The following RGSL1 variants were observed in gnomAD, a reference collection of about 807,000 sequenced individuals.
RGSL1 encodes the protein regulator of G protein signaling protein-like.
In RGSL1, 97 loss-of-function variants were observed where a neutral mutation model predicts 124.7. The ratio of observed to expected loss-of-function variants is 0.78; its 90% CI spans 0.66 to 0.92. The LOEUF is 0.92. RGSL1 is among the 40% of genes least tolerant of loss of function. The pLI, the probability that RGSL1 is intolerant of heterozygous loss-of-function variation, is 0.00. For missense variants in RGSL1, 1,233 were observed against 1,288.4 expected, an observed-to-expected ratio of 0.96 and a Z score of 0.66; for synonymous variants, 424 against 438.1, an observed-to-expected ratio of 0.97 and a Z score of 0.40.
At chr1:182,527,926 A>G (rs1240767665) in intron 11 of RGSL1, among the ~76,000 whole-genome samples, 154 bp downstream of exon 11, 1 of 152,180 alleles carries the variant, frequency 6.6e-6, no homozygotes, top group East Asian at 1.9e-4. Context: ...AGGGTAGGCA[A>G]AAGCAGAGAA....
At chr1:182,504,580 G>A (rs919204944) in intron 9 of RGSL1, among the ~76,000 whole-genome samples, 3 of 143,908 alleles carry the variant, frequency 2.1e-5, no homozygotes, top group African/African-American at 7.8e-5. Flanking sequence ...ATTCTCCCAA[G>A]GAAATTAGAA....
At chr1:182,449,367 C>A (rs192779421), upstream of RGSL1, 4 of 152,100 alleles carry the variant, frequency 2.6e-5, no homozygotes, top group Non-Finnish European at 5.9e-5. Flanking sequence ...TTCCCTCCAC[C>A]CCCCATAGGA....
At chr1:182,517,410 CTCTT>C (rs1347237973) in intron 9 of RGSL1, among the ~76,000 whole-genome samples, 3 of 149,136 alleles carry the variant, frequency 2.0e-5, no homozygotes, top group Non-Finnish European at 4.4e-5. Context: ...GGATACTTAT[CTCTT>C]TCTCAAGTTT....
chr1:182,503,822 T>C (rs1013549121), intron 9 of RGSL1, among the ~76,000 whole-genome samples: 3 of 152,184 alleles, frequency 2.0e-5, no homozygotes, highest in Non-Finnish European at 2.9e-5. Flanking sequence ...TTTCATGATG[T>C]AATAATTATG....
At chr1:182,509,297 C>A (rs1219366040) in intron 9 of RGSL1, among the ~76,000 whole-genome samples, 2 of 40,716 alleles carry the variant, frequency 4.9e-5, no homozygotes, top group African/African-American at 1.4e-4. Context: ...CCGGACGGGG[C>A]GGCTGGCCGG....
intron 4 of RGSL1, chr1:182,460,774 C>T (rs920218351): frequency 2.2e-6 from 1 of 452,888 alleles, no homozygotes; most frequent in African/African-American, 2.0e-5. Flanking sequence ...TTTTGAAACT[C>T]TAGAGTCTAT....
intron 15 of RGSL1, among the ~76,000 whole-genome samples, chr1:182,544,463 T>C (rs1660084449): frequency 6.6e-6 from 1 of 152,138 alleles, no homozygotes; most frequent in South Asian, 2.1e-4. Flanking sequence ...TTGTATATTC[T>C]GTAGCAGTTG....
chr1:182,453,676 C>T (rs1445357303), intron 1 of RGSL1: 1 of 297,780 alleles, frequency 3.4e-6, no homozygotes, highest in Admixed American at 4.6e-5. Context: ...TAAAGGAAGA[C>T]AGTCACAGTA....
At chr1:182,508,164 C>T (rs952564211) in intron 9 of RGSL1, among the ~76,000 whole-genome samples, 6 of 151,968 alleles carry the variant, frequency 3.9e-5, no homozygotes, top group Non-Finnish European at 8.8e-5. Context: ...CAGGTATTTT[C>T]CTTTTTACAC....
intron 1 of RGSL1, among the ~76,000 whole-genome samples, chr1:182,450,864 T>G (rs1213050058): frequency 1.3e-5 from 2 of 152,210 alleles, no homozygotes; most frequent in African/African-American, 4.8e-5. Context: ...TGAAAATCAT[T>G]GGCTGGGAGC....
At chr1:182,547,157 C>T (rs1394261554) in intron 15 of RGSL1, among the ~76,000 whole-genome samples, 1 of 152,184 alleles carries the variant, frequency 6.6e-6, no homozygotes, top group Admixed American at 6.5e-5. Flanking sequence ...CTATGACGTG[C>T]TCTCTATTTC....
rs560766193 is a variant in RGSL1 at position 182,523,208 on chromosome 1, C to CTT, written c.1931+1111_1931+1112dup. The stretch of plus-strand genomic sequence containing the variant: ...CATGCCACCATGCCTGTTTTTTTTT[C>CTT]TTTTTTTTTTTTTCTAGAGACTGGG... On this transcript the variant is annotated intron_variant, in intron 10 of 21. Transcript: ENST00000294854. Among the ~76,000 whole-genome samples the CTT allele has an allele frequency of 2.0e-4, 30 of 147,208 alleles. No homozygotes were observed. In the South Asian group the frequency reaches 5.6e-3, roughly 27 times the overall value.
intron 9 of RGSL1, among the ~76,000 whole-genome samples, chr1:182,513,656 G>A (rs1363262139): frequency 1.3e-5 from 2 of 152,138 alleles, no homozygotes; most frequent in Admixed American, 1.3e-4. Context: ...TCTTTCTTGT[G>A]TCTCCCTATC....
chr1:182,538,177 G>A (rs965310126), intron 14 of RGSL1, among the ~76,000 whole-genome samples: 2 of 152,104 alleles, frequency 1.3e-5, no homozygotes, highest in African/African-American at 2.4e-5. Context: ...GTTTCGGAAG[G>A]GAGGATAAAT....
chr1:182,506,983 C>CTTTTTTTTTTTTTTTTTTTTTTTTTTT (rs71127304), intron 9 of RGSL1, among the ~76,000 whole-genome samples: 1 of 99,406 alleles, frequency 1.0e-5, no homozygotes, highest in African/African-American at 3.9e-5. Flanking sequence ...GCTCACCTTT[C>CTTTTTTTTTTTTTTTTTTTTTTTTTTT]TTTTTTTTTT....
Position 182,536,061 on chromosome 1 carries a change from C to T in RGSL1, c.2494+3270C>T, listed in dbSNP as rs187963583. On this transcript the variant is annotated intron_variant, in intron 14 of 21. Transcript: ENST00000294854. ...AGTCTTAATGCATGCATGCAATAGT[C>T]TTTTGTGACCAGCTTCTTTTACATA... Among the ~76,000 whole-genome samples the T allele has an allele frequency of 2.5e-3, 376 of 152,234 alleles. 1 individual carries two copies. Among genetic ancestry groups the T allele is most frequent in the Admixed American group, 5.8e-3 (88 of 15,278 alleles).
At position 182,473,844 on chromosome 1, in the gene RGSL1, C is replaced by T. The variant is rs202198386; in HGVS notation, c.733C>T (p.Arg245Trp). The T allele has an allele frequency of 1.6e-4, 245 of 1,551,578 alleles. No individual in the cohort carries two copies. The highest frequency in any genetic ancestry group is 2.0e-4 in the Non-Finnish European group (225 of 1,147,004). The change falls in exon 6 of 22, where the codon CGG becomes TGG. Residue 245 changes from arginine (R) to tryptophan (W), a missense_variant. Arg to Trp is a moderately radical substitution (Grantham distance 101). Coordinates refer to ENST00000294854, the MANE Select transcript of RGSL1 (RefSeq NM_001137669.2). ...SIKKCHHFQK[R>W]YSSRKAKRKM... ...CAAGAAGTGCCACCACTTTCAGAAACGGTACTCAAGCAGGAAAGCCAAGAG... is the reference window on the plus strand; with the variant it reads ...CAAGAAGTGCCACCACTTTCAGAAATGGTACTCAAGCAGGAAAGCCAAGAG...
At chr1:182,458,297 GT>G in intron 2 of RGSL1, 21 bp from the exon 3 acceptor site, 1 of 1,544,384 alleles carries the variant, frequency 6.5e-7, no homozygotes, top group Non-Finnish European at 8.8e-7. Context: ...TCCCTTGACT[GT>G]TTCCTAGCTT....
rs908618984 is a variant in RGSL1, at chr1:182,527,597, C to T, written c.1950C>T (p.Leu650=). 2 of 1,549,050 alleles carry T rather than the reference C, an allele frequency of 1.3e-6. No homozygotes were observed. Among genetic ancestry groups the T allele is most frequent in the Non-Finnish European group, 1.7e-6 (2 of 1,146,138 alleles). ...SMRPRNLTEV[L]LNTQHLEFFR... ...TTTCCAGAAACTTGACAGAAGTCCTCTTAAATACACAGCACTTGGAGTTCT... is the reference window on the plus strand; with the variant it reads ...TTTCCAGAAACTTGACAGAAGTCCTTTTAAATACACAGCACTTGGAGTTCT... The change falls in exon 11 of 22, where the codon CTC becomes CTT. Residue 650 remains leucine (L), a synonymous_variant. Transcript: ENST00000294854.
Sources: allele counts gnomAD v4.1 joint callset (sites outside exome capture counted in the v4.1 genomes callset), GRCh38; gene constraint gnomAD v4.1.1; transcripts MANE v1.5; gene names NCBI Gene and HGNC (gene_info 2026-07-23, HGNC 2026-07-21).